Variants in CHAF1A observed in about 807,000 individuals in gnomAD.
The protein encoded by CHAF1A is CAF-1 subunit A.
CHAF1A carries 5 observed loss-of-function variants against 93.2 expected under a neutral mutation model. That is an observed-to-expected ratio of 0.05 (90% CI 0.03 to 0.11). The LOEUF (loss-of-function observed/expected upper bound fraction) is 0.11, where lower values mean the gene tolerates loss of function less well. Ranked by LOEUF, CHAF1A falls within the 10% of genes least tolerant of loss-of-function variation. The probability of loss-of-function intolerance (pLI) is 1.00; values close to 1 mark genes in which losing one functional copy is unlikely to be tolerated. For missense variants in CHAF1A, 1,102 were observed against 1,259.9 expected, an observed-to-expected ratio of 0.87 and a Z score of 1.90; for synonymous variants, 504 against 510.3, an observed-to-expected ratio of 0.99 and a Z score of 0.17.
intron 2 of CHAF1A, among the ~76,000 whole-genome samples, chr19:4,406,837 A>T (rs1599635922): frequency 1.3e-5 from 2 of 151,824 alleles, no homozygotes; most frequent in African/African-American, 4.8e-5. Context: ...GGGTGGGAGG[A>T]GTGCTTGAGT....
intron 3 of CHAF1A, among the ~76,000 whole-genome samples, chr19:4,410,803 A>G (rs1363865842): frequency 6.6e-6 from 1 of 152,170 alleles, no homozygotes; most frequent in African/African-American, 2.4e-5. Context: ...GCGAGCTATG[A>G]TCACACTGCC....
intron 3 of CHAF1A, among the ~76,000 whole-genome samples, chr19:4,415,224 G>A (rs939916910): frequency 9.2e-5 from 14 of 152,142 alleles, no homozygotes; most frequent in African/African-American, 3.4e-4. Context: ...AGAAGATAAA[G>A]TTCTGTCAGA....
chr19:4,445,575 C>T (rs368648392), downstream of CHAF1A: 33 of 1,613,678 alleles, frequency 2.0e-5, no homozygotes, highest in South Asian at 3.3e-5. Flanking sequence ...GCCTTGATGT[C>T]CTCCAGCACA....
chr19:4,427,805 C>T (rs1974111984), intron 7 of CHAF1A, among the ~76,000 whole-genome samples: 1 of 152,226 alleles, frequency 6.6e-6, no homozygotes, highest in Non-Finnish European at 1.5e-5. Flanking sequence ...CCAGGCTGGT[C>T]TCGAACTCCT....
intron 7 of CHAF1A, among the ~76,000 whole-genome samples, chr19:4,425,923 A>G (rs1974072985): frequency 6.6e-6 from 1 of 152,094 alleles, no homozygotes; most frequent in Non-Finnish European, 1.5e-5. Context: ...AGTCTGATGG[A>G]TTTTTAAAAA....
intron 3 of CHAF1A, among the ~76,000 whole-genome samples, chr19:4,410,253 T>G (rs1973768858): frequency 6.6e-6 from 1 of 152,002 alleles, no homozygotes; most frequent in Non-Finnish European, 1.5e-5. Context: ...CTTAAAAACC[T>G]TACCTGGGGC....
downstream of CHAF1A, chr19:4,447,037 G>A: frequency 9.6e-7 from 1 of 1,036,496 alleles, no homozygotes; most frequent in Non-Finnish European, 1.4e-6. Context: ...ACCCCTGGAT[G>A]GGGCCCAGCC....
rs755956631 is a variant in CHAF1A, at chr19:4,429,617, C to T, written c.1773+11C>T. On this transcript the variant is annotated intron_variant, in intron 9 of 14. Transcript: ENST00000301280. ...TGGGCCCAGGACACGGTGAGCTAGC[C>T]CCAGAGTGCCTCCGTCCCCGTACCT... 8.1e-6 allele frequency: 13 copies of T among 1,613,956 alleles called. No individual in the cohort carries two copies. In the African/African-American group the frequency reaches 1.7e-4, roughly 22 times the overall value.
At position 4,432,027 on chromosome 19, in the gene CHAF1A, G is replaced by T; in HGVS notation, c.2023G>T (p.Gly675Trp). The T allele has an allele frequency of 6.2e-7, 1 of 1,614,150 alleles. No individual in the cohort carries two copies. ...AKEWDEFLAKGKRFRVLQPVK... is the reference protein window; with the variant it reads ...AKEWDEFLAKWKRFRVLQPVK... ...GGAGTGGGACGAGTTCCTGGCTAAG[G>T]GGAAGCGCTTTCGCGTCCTGCAACC... The change falls in exon 12 of 15, where the codon GGG (glycine) becomes TGG (tryptophan). Residue 675 changes from glycine to tryptophan, a missense_variant. By Grantham distance (184) the Gly-to-Trp change is radical (BLOSUM62 -2). Around this residue, in one of 6 missense-constraint regions of CHAF1A, gnomAD observed 335 missense variants for 361.9 expected, o/e 0.93. Transcript: ENST00000301280.
At chr19:4,428,557 C>A in intron 7 of CHAF1A, 107 bp from the exon 8 acceptor site, 1 of 966,724 alleles carries the variant, frequency 1.0e-6, no homozygotes, top group Non-Finnish European at 1.6e-6. Context: ...GAGTCTGTGC[C>A]TTGGCCTTAG....
intron 3 of CHAF1A, among the ~76,000 whole-genome samples, chr19:4,416,663 G>T (rs565731761): frequency 1.3e-5 from 2 of 152,276 alleles, no homozygotes; most frequent in South Asian, 4.1e-4. Flanking sequence ...GGCGAGGCGG[G>T]TGGATCACCT....
rs1974150393 is a variant in CHAF1A, at chr19:4,429,895, G to C, written c.1854+107G>C. On this transcript the variant is annotated intron_variant, in intron 10 of 14. Coordinates refer to ENST00000301280, the MANE Select transcript of CHAF1A (RefSeq NM_005483.3). ...GCCCAGCTGTGTTCACTCACTGACA[G>C]CTGGTGTTTGACCTGCTGTGTGGTC... The C allele has an allele frequency of 3.1e-6, 3 of 959,920 alleles. No homozygotes were observed. The South Asian group carries it at 4.7e-5, about 15-fold the overall frequency. The allele number at this position is 959,920 out of a possible 1,614,324, so 59.5% of individuals were successfully genotyped here. A position where few individuals can be genotyped will look rare whatever the true frequency, so the allele number is the denominator to read the frequency against.
At chr19:4,442,904 C>T (rs923644899) in intron 14 of CHAF1A, 21 bp from the exon 15 acceptor site, 2 of 1,537,592 alleles carry the variant, frequency 1.3e-6, no homozygotes, top group Non-Finnish European at 8.8e-7. Context: ...AGCTCAAGAC[C>T]CTCCCTCTCT....
downstream of CHAF1A, chr19:4,446,844 T>G (rs887523586): frequency 1.9e-6 from 3 of 1,613,934 alleles, no homozygotes; most frequent in African/African-American, 4.0e-5. Flanking sequence ...ACCCTGATCC[T>G]GGGCGGGAAG....
chr19:4,422,601 T>C lies in CHAF1A; in HGVS notation c.1053T>C (p.Arg351=), dbSNP rs1408159284. The C allele has an allele frequency of 1.4e-5, 22 of 1,578,918 alleles. No homozygotes were observed. Among genetic ancestry groups the C allele is most frequent in the Non-Finnish European group, 1.9e-5 (22 of 1,162,798 alleles). The change falls in exon 5 of 15, where the codon CGT becomes CGC. Residue 351 remains arginine (R), a synonymous_variant. Transcript: ENST00000301280. The surrounding 1 kb of genome is among the most constrained non-coding windows in gnomAD (Gnocchi z 4.6). ...QERLGKQLKL[R]AEREEKEKLK... is the part of the protein sequence containing the mutation. The stretch of plus-strand genomic sequence containing the variant: ...GTCTGGGCAAGCAGCTCAAGTTACG[T>C]GCAGAAAGGGAAGAAAAGGAGAAGC...
chr19:4,429,913 G>C (rs1239759561), intron 10 of CHAF1A, 125 bp downstream of exon 10: 4 of 823,286 alleles, frequency 4.9e-6, no homozygotes, highest in Non-Finnish European at 7.8e-6. Context: ...TTGACCTGCT[G>C]TGTGGTCTGA....
chr19:4,414,907 T>C (rs1410313505), intron 3 of CHAF1A, among the ~76,000 whole-genome samples: 1 of 152,192 alleles, frequency 6.6e-6, no homozygotes, highest in Non-Finnish European at 1.5e-5. Context: ...GCTCCCCTGC[T>C]GTCAGGTTTT....
At chr19:4,415,386 G>A (rs1308134841) in intron 3 of CHAF1A, among the ~76,000 whole-genome samples, 1 of 152,174 alleles carries the variant, frequency 6.6e-6, no homozygotes, top group South Asian at 2.1e-4. Flanking sequence ...CAGAGGGGGG[G>A]CATTGTAAGA....
At chr19:4,434,125 T>A (rs1169435040) in intron 13 of CHAF1A, among the ~76,000 whole-genome samples, 1 of 151,796 alleles carries the variant, frequency 6.6e-6, no homozygotes, top group African/African-American at 2.4e-5. Context: ...GGCGGGAGGA[T>A]CACTTGAGCC....
Sources: allele counts gnomAD v4.1 joint callset (sites outside exome capture counted in the v4.1 genomes callset), GRCh38; gene constraint gnomAD v4.1.1; regional missense constraint gnomAD v4.1.1; non-coding constraint Gnocchi (gnomAD v3.1); transcripts MANE v1.5; gene names NCBI Gene and HGNC (gene_info 2026-07-23, HGNC 2026-07-21).